PCDHGA8: variants seen among roughly 807,000 people sequenced by gnomAD.
PCDHGA8 encodes protocadherin gamma subfamily A, 8.
In PCDHGA8, 45 loss-of-function variants were observed where a neutral mutation model predicts 59.2. The observed-to-expected ratio is 0.76, with a 90% CI of 0.60 to 0.98. The LOEUF is 0.98. Ranked by LOEUF, PCDHGA8 falls within the 50% of genes least tolerant of loss-of-function variation. PCDHGA8 has a pLI of 0.00. For missense variants in PCDHGA8, 1,257 were observed against 1,196.2 expected, an observed-to-expected ratio of 1.05 and a Z score of -0.75; for synonymous variants, 531 against 519.0, an observed-to-expected ratio of 1.02 and a Z score of -0.32.
Position 141,489,252 on chromosome 5 carries a change from G to A in PCDHGA8, c.2425-5555G>A. 2 of 1,547,622 alleles carry A rather than the reference G, an allele frequency of 1.3e-6. No individual in the cohort carries two copies. Among genetic ancestry groups the A allele is most frequent in the Non-Finnish European group, 1.7e-6 (2 of 1,147,198 alleles). On this transcript the variant is annotated intron_variant, in intron 1 of 3. Coordinates refer to ENST00000398604, the MANE Select transcript of PCDHGA8 (RefSeq NM_032088.2). The surrounding 1 kb of genome is among the most constrained non-coding windows in gnomAD (Gnocchi z 4.5). ...GGGACTTCTGGGTCATGGGGCCCAAGACACTCCCACAGCTCGCTGGGAAAT... is the reference window on the plus strand; with the variant it reads ...GGGACTTCTGGGTCATGGGGCCCAAAACACTCCCACAGCTCGCTGGGAAAT...
At chr5:141,395,276 A>G in intron 1 of PCDHGA8, 39 bp downstream of exon 1, 1 of 1,543,522 alleles carries the variant, frequency 6.5e-7, no homozygotes. Flanking sequence ...TTTCCAGATG[A>G]ATTTTATTTG....
chr5:141,477,582 A>T lies in PCDHGA8; in HGVS notation c.2425-17225A>T, dbSNP rs567486170. The T allele has an allele frequency of 6.2e-7, 1 of 1,614,190 alleles. No individual in the cohort carries two copies. The highest frequency in any genetic ancestry group is 2.2e-5 in the East Asian group (1 of 44,888). ...GTCTGGGACCCCGACGCCCCGCAGA[A>T]TGCTCGGCTTTCTTTCTTTCTCTTG... On this transcript the variant is annotated intron_variant, in intron 1 of 3. Transcript: ENST00000398604. The surrounding 1 kb of genome is among the most constrained non-coding windows in gnomAD (Gnocchi z 4.9).
chr5:141,502,450 C>T (rs184669731), intron 2 of PCDHGA8, among the ~76,000 whole-genome samples: 3 of 152,010 alleles, frequency 2.0e-5, no homozygotes, highest in Admixed American at 1.3e-4. Context: ...AGATTACACA[C>T]CTTGGTAGGA....
chr5:141,461,778 C>CA (rs1280703059), intron 1 of PCDHGA8, among the ~76,000 whole-genome samples: 6 of 152,052 alleles, frequency 3.9e-5, no homozygotes, highest in Non-Finnish European at 7.4e-5. Context: ...CTCAGCCTCC[C>CA]AAGTAGCTGG....
intron 3 of PCDHGA8, among the ~76,000 whole-genome samples, chr5:141,507,617 C>T (rs1366723844): frequency 6.6e-6 from 1 of 152,278 alleles, no homozygotes; most frequent in African/African-American, 2.4e-5. Context: ...GTATATTTAG[C>T]TGTTGTGGCC....
rs200533514 is a variant in PCDHGA8 at position 141,476,315 on chromosome 5, C to T, written c.2425-18492C>T. On this transcript the variant is annotated intron_variant, in intron 1 of 3. Transcript: ENST00000398604. This position sits in a 1 kb window ranked among gnomAD's most constrained non-coding sequence, Gnocchi z 7.6. The stretch of plus-strand genomic sequence containing the variant: ...CGGTAGCCTCTCAGCCCGCAGGTTC[C>T]GGGTGGTGTCTGGAGCTAGCCGAAG... 264 of 1,613,910 alleles carry T rather than the reference C, an allele frequency of 1.6e-4. No homozygotes were observed. The highest frequency in any genetic ancestry group is 2.1e-4 in the Non-Finnish European group (248 of 1,180,024).
intron 1 of PCDHGA8, among the ~76,000 whole-genome samples, chr5:141,438,498 CAT>C (rs2097963931): frequency 6.7e-6 from 1 of 149,704 alleles, no homozygotes; most frequent in African/African-American, 2.5e-5. Context: ...AAAAAAGAAT[CAT>C]AGTGCAAAAC....
chr5:141,422,276 T>G, intron 1 of PCDHGA8: 3 of 1,558,820 alleles, frequency 1.9e-6, no homozygotes, highest in South Asian at 1.3e-5. Context: ...GAAATAACTA[T>G]CACCTCTTCT....
chr5:141,477,564 A>T lies in PCDHGA8; in HGVS notation c.2425-17243A>T. 2 of 1,613,924 alleles carry T rather than the reference A, an allele frequency of 1.2e-6. No individual in the cohort carries two copies. The highest frequency in any genetic ancestry group is 1.7e-6 in the Non-Finnish European group (2 of 1,179,980). On this transcript the variant is annotated intron_variant, in intron 1 of 3. Coordinates refer to ENST00000398604, the MANE Select transcript of PCDHGA8 (RefSeq NM_032088.2). The surrounding 1 kb of genome is among the most constrained non-coding windows in gnomAD (Gnocchi z 4.9). ...CCAATACTAAACCTAAGTGTCTGGG[A>T]CCCCGACGCCCCGCAGAATGCTCGG... is the stretch of plus-strand genomic sequence containing the variant.
intron 1 of PCDHGA8, among the ~76,000 whole-genome samples, chr5:141,442,612 A>C (rs1180568407): frequency 6.6e-6 from 1 of 152,212 alleles, no homozygotes; most frequent in Non-Finnish European, 1.5e-5. Flanking sequence ...ATCTCAGTAA[A>C]AAGCATTTCT....
Position 141,511,403 on chromosome 5 carries a change from AC to A in PCDHGA8, c.*231del. ...TCCGCTGGGAACCCCCATCCAATCA[AC>A]TGCTGTACCCATGGGGGTAGTGGGG... is the stretch of plus-strand genomic sequence containing the variant. On this transcript the variant is annotated 3_prime_UTR_variant, in exon 4 of 4. Coordinates refer to ENST00000398604, the MANE Select transcript of PCDHGA8 (RefSeq NM_032088.2). 1.1e-6 allele frequency: 1 copy of A among 939,022 alleles called. No homozygotes were observed. The highest frequency in any genetic ancestry group is 1.5e-6 in the Non-Finnish European group (1 of 650,838). The allele number at this position is 939,022 out of a possible 1,614,324, so 58.2% of individuals were successfully genotyped here. A position where few individuals can be genotyped will look rare whatever the true frequency, so the allele number is the denominator to read the frequency against.
chr5:141,412,357 T>A (rs756056496), intron 1 of PCDHGA8: 17 of 152,366 alleles, frequency 1.1e-4, no homozygotes, highest in Middle Eastern at 3.4e-3. Context: ...TAGTTTGTGA[T>A]TACCTGCTTA....
intron 1 of PCDHGA8, among the ~76,000 whole-genome samples, chr5:141,460,703 G>A (rs1009662968): frequency 6.6e-6 from 1 of 151,534 alleles, no homozygotes; most frequent in Non-Finnish European, 1.5e-5. Flanking sequence ...AGTTGAATGA[G>A]AATAAACTAT....
chr5:141,470,986 G>T (rs1215610104), intron 1 of PCDHGA8, among the ~76,000 whole-genome samples: 1 of 151,540 alleles, frequency 6.6e-6, no homozygotes, highest in Non-Finnish European at 1.5e-5. Flanking sequence ...CAAAGTGCTG[G>T]GACTACAGGC....
chr5:141,399,744 C>G (rs544697703), intron 1 of PCDHGA8: 1 of 1,613,320 alleles, frequency 6.2e-7, no homozygotes, highest in African/African-American at 1.3e-5. Context: ...CTGCGCTCAG[C>G]GCAAACGTGA....
Position 141,477,029 on chromosome 5 carries a change from A to T in PCDHGA8, c.2425-17778A>T, listed in dbSNP as rs754045855. ...CTTAGACCTTGTAACCGGGATGCTG[A>T]CAATCAAGGGTCGGCTGGACTTCGA... On this transcript the variant is annotated intron_variant, in intron 1 of 3. Transcript: ENST00000398604. This position sits in a 1 kb window ranked among gnomAD's most constrained non-coding sequence, Gnocchi z 4.9. 2 of 1,614,238 alleles carry T rather than the reference A, an allele frequency of 1.2e-6. No homozygotes were observed. The highest frequency in any genetic ancestry group is 3.3e-5 in the Admixed American group (2 of 60,028).
At chr5:141,422,684 C>T (rs2096664410) in intron 1 of PCDHGA8, 1 of 1,604,876 alleles carries the variant, frequency 6.2e-7, no homozygotes, top group Admixed American at 1.7e-5. Flanking sequence ...AAACAGAATG[C>T]CCTGGTCACT....
intron 3 of PCDHGA8, among the ~76,000 whole-genome samples, chr5:141,506,202 G>A (rs911181875): frequency 6.6e-6 from 1 of 152,184 alleles, no homozygotes; most frequent in Non-Finnish European, 1.5e-5. Context: ...TGTAATCCCA[G>A]CACTTTGGGA....
intron 1 of PCDHGA8, chr5:141,398,258 G>T (rs756489359): frequency 2.1e-6 from 3 of 1,454,654 alleles, no homozygotes; most frequent in Non-Finnish European, 2.8e-6. Context: ...ATGCCCAAGG[G>T]CTCCGTAGTG....
Sources: gnomAD v4.1 joint callset for allele counts (sites outside exome capture counted in the v4.1 genomes callset) on GRCh38, gnomAD v4.1.1 for gene constraint, Gnocchi (gnomAD v3.1) non-coding constraint, MANE v1.5 for transcripts, NCBI Gene and HGNC (gene_info 2026-07-23, HGNC 2026-07-21) for gene names.